Variants in TENM2 observed in about 807,000 individuals in gnomAD.
TENM2 encodes teneurin-2.
A neutral mutation model predicts 245.2 loss-of-function variants in TENM2; 52 were observed. That is an observed-to-expected ratio of 0.21 (90% CI 0.17 to 0.27). The LOEUF is 0.27. Among genes scored for constraint, TENM2 ranks in the 10% least tolerant of loss-of-function variants. The probability of loss-of-function intolerance (pLI) is 1.00; values close to 1 mark genes in which losing one functional copy is unlikely to be tolerated. For missense variants in TENM2, 3,046 were observed against 3,666.8 expected (o/e 0.83, Z 4.37); for synonymous variants, 1,363 against 1,438.9 (o/e 0.95, Z 1.19).
At chr5:167,929,105 GA>G (rs1351436248) in intron 3 of TENM2, among the ~76,000 whole-genome samples, 2 of 98,226 alleles carry the variant, frequency 2.0e-5, no homozygotes, top group Non-Finnish European at 4.0e-5. Flanking sequence ...AAGAAAGAAA[GA>G]AAGAAAGAAA....
At chr5:168,050,429 T>G (rs976552612) in intron 6 of TENM2, among the ~76,000 whole-genome samples, 1 of 152,204 alleles carries the variant, frequency 6.6e-6, no homozygotes, top group Admixed American at 6.5e-5. Flanking sequence ...TTCCAGTGTT[T>G]CAAAGAGACA....
the TENM2 span, among the ~76,000 whole-genome samples, chr5:167,216,575 C>T: frequency 3.9e-5 from 6 of 152,244 alleles, no homozygotes; most frequent in Non-Finnish European, 5.9e-5. Context: ...GAATTATTCC[C>T]GGAATGGCTA....
At chr5:167,799,799 C>T (rs530729039) in intron 2 of TENM2, among the ~76,000 whole-genome samples, 1 of 152,316 alleles carries the variant, frequency 6.6e-6, no homozygotes, top group South Asian at 2.1e-4. Flanking sequence ...TTGGGCATGT[C>T]TATCCCCAGT....
intron 13 of TENM2, among the ~76,000 whole-genome samples, chr5:168,168,855 T>G (rs1056235317): frequency 7.9e-5 from 12 of 152,306 alleles, no homozygotes; most frequent in Middle Eastern, 6.8e-3. Flanking sequence ...GTCTATCCAC[T>G]CATCCATCCA....
intron 2 of TENM2, among the ~76,000 whole-genome samples, chr5:167,637,399 A>G (rs1242471754): frequency 1.3e-5 from 2 of 152,188 alleles, no homozygotes; most frequent in Non-Finnish European, 2.9e-5. Context: ...ATAGGCATGG[A>G]TATATGATAA....
the TENM2 span, among the ~76,000 whole-genome samples, chr5:167,021,209 T>C: frequency 1.3e-5 from 2 of 152,200 alleles, no homozygotes; most frequent in Non-Finnish European, 2.9e-5. Context: ...GCCTATGCCT[T>C]ATAACCTTTC....
intron 11 of TENM2, 98 bp downstream of exon 13, chr5:168,125,148 G>A: frequency 3.0e-6 from 3 of 985,914 alleles, no homozygotes; most frequent in East Asian, 2.7e-5. Flanking sequence ...ATACTTAGCT[G>A]GGGATAAGGG....
At chr5:167,708,701 C>A (rs1217925706) in intron 2 of TENM2, among the ~76,000 whole-genome samples, 1 of 152,158 alleles carries the variant, frequency 6.6e-6, no homozygotes, top group African/African-American at 2.4e-5. Context: ...CCGCCAGCCT[C>A]TCCCCCTCTG....
intron 2 of TENM2, among the ~76,000 whole-genome samples, chr5:167,833,245 A>G (rs965964576): frequency 2.6e-4 from 40 of 152,168 alleles, no homozygotes; most frequent in African/African-American, 8.9e-4. Context: ...TGTATCCACA[A>G]ACGTTATTAA....
the TENM2 span, among the ~76,000 whole-genome samples, chr5:167,227,778 GTA>G: frequency 2.0e-5 from 3 of 152,300 alleles, no homozygotes. Flanking sequence ...TGAGCCTGCT[GTA>G]TCTGGATGTC....
At position 167,690,923 on chromosome 5, in the gene TENM2, ATGTGTG is replaced by A. The variant is rs375456466; in HGVS notation, c.503-185021_503-185016del. On this transcript the variant is annotated intron_variant, in intron 2 of 28. Coordinates refer to ENST00000518659, the Ensembl canonical transcript of TENM2. ...TGTATATATATCCGTATATGCGAGT[ATGTGTG>A]TGTGTGTGTGTGTGTGTGTGTGTGT... is the stretch of plus-strand genomic sequence containing the variant. 5.3e-3 allele frequency among the ~76,000 whole-genome samples: 420 copies of A among 78,768 alleles called. 2 individuals are homozygous for A. Among genetic ancestry groups the A allele is most frequent in the South Asian group, 0.016 (27 of 1,734 alleles). 51.7% of individuals were successfully genotyped at this position (78,768 alleles called of 152,430 possible).
the TENM2 span, among the ~76,000 whole-genome samples, chr5:167,166,176 G>A: frequency 9.6e-3 from 1,466 of 152,212 alleles, 19 homozygotes; most frequent in Non-Finnish European, 0.012. Context: ...GACAGGCCAG[G>A]CTTATGTTTA....
chr5:167,314,450 G>C (rs992594736), intron 1 of TENM2, among the ~76,000 whole-genome samples: 3 of 152,148 alleles, frequency 2.0e-5, no homozygotes, highest in African/African-American at 7.2e-5. Context: ...TAGTTGGTAA[G>C]ACTGTCAACG....
At chr5:168,190,372 C>T (rs1365306893) in exon 14 of TENM2, 1 of 1,613,918 alleles carries the variant, frequency 6.2e-7, no homozygotes, top group Non-Finnish European at 8.5e-7. Context: ...TGACTGCTGC[C>T]TGCAGTCAGC....
At chr5:167,720,569 A>G (rs1468059129) in intron 2 of TENM2, among the ~76,000 whole-genome samples, 1 of 152,206 alleles carries the variant, frequency 6.6e-6, no homozygotes, top group Non-Finnish European at 1.5e-5. Context: ...TTTGTAAGTG[A>G]GTAGTTATAG....
chr5:167,270,914 G>C, the TENM2 span, among the ~76,000 whole-genome samples: 1 of 152,136 alleles, frequency 6.6e-6, no homozygotes, highest in African/African-American at 2.4e-5. Context: ...AAGAACATCT[G>C]TGTTGCAGGA....
At chr5:167,156,764 C>G in the TENM2 span, among the ~76,000 whole-genome samples, 1 of 152,198 alleles carries the variant, frequency 6.6e-6, no homozygotes, top group South Asian at 2.1e-4. Context: ...TTGGCCCTCT[C>G]AAGCGCTTTC....
At chr5:167,109,645 T>C in the TENM2 span, among the ~76,000 whole-genome samples, 7 of 151,964 alleles carry the variant, frequency 4.6e-5, no homozygotes, top group Non-Finnish European at 7.4e-5. Flanking sequence ...ATCCTAATGA[T>C]AAAAGTGAAT....
intron 2 of TENM2, among the ~76,000 whole-genome samples, chr5:167,602,078 T>C (rs560075383): frequency 6.6e-6 from 1 of 151,530 alleles, no homozygotes; most frequent in South Asian, 2.1e-4. Flanking sequence ...CGTGGGAAGG[T>C]TTTGGCCATG....
Sources: gnomAD v4.1 joint callset for allele counts (sites outside exome capture counted in the v4.1 genomes callset) on GRCh38, gnomAD v4.1.1 for gene constraint, MANE v1.5 for transcripts, NCBI Gene and HGNC (gene_info 2026-07-23, HGNC 2026-07-21) for gene names.